The following PCCA variants were observed in gnomAD, a reference collection of about 807,000 sequenced individuals.
The protein encoded by PCCA is propionyl-CoA carboxylase subunit alpha.
A neutral mutation model predicts 101.3 loss-of-function variants in PCCA; 74 were observed. The ratio of observed to expected loss-of-function variants is 0.73; its 90% CI spans 0.61 to 0.89. PCCA has a LOEUF of 0.89. PCCA is among the 40% of genes least tolerant of loss of function. PCCA has a pLI of 0.00. For missense variants in PCCA, 891 were observed against 907.0 expected (o/e 0.98, Z 0.23); for synonymous variants, 294 against 313.6 (o/e 0.94, Z 0.66).
At chr13:100,375,874 A>C (rs2075869336) in intron 19 of PCCA, among the ~76,000 whole-genome samples, 1 of 152,238 alleles carries the variant, frequency 6.6e-6, no homozygotes, top group African/African-American at 2.4e-5. Flanking sequence ...AAGAGCCAAC[A>C]GTGTGCTGTA....
intron 21 of PCCA, among the ~76,000 whole-genome samples, chr13:100,451,265 C>T (rs567071295): frequency 2.0e-5 from 3 of 152,234 alleles, no homozygotes; most frequent in Non-Finnish European, 4.4e-5. Flanking sequence ...GACCTAACAT[C>T]TGGGTACCAT....
intron 6 of PCCA, among the ~76,000 whole-genome samples, chr13:100,206,289 C>CA (rs1436333453): frequency 6.6e-6 from 1 of 151,922 alleles, no homozygotes; most frequent in Non-Finnish European, 1.5e-5. Flanking sequence ...TTTCTGGAGA[C>CA]AGAGTCTCAC....
intron 18 of PCCA, among the ~76,000 whole-genome samples, chr13:100,348,783 T>TTCCTTCCTTCCTTCCTTCCTTC (rs1566976583): frequency 5.4e-5 from 3 of 55,418 alleles, no homozygotes; most frequent in South Asian, 5.5e-4. Flanking sequence ...TTTCTTTCTT[T>TTCCTTCCTTCCTTCCTTCCTTC]CTTTCTTCCT....
chr13:100,456,454 G>A (rs1383394621), intron 21 of PCCA, among the ~76,000 whole-genome samples: 1 of 152,148 alleles, frequency 6.6e-6, no homozygotes, highest in Non-Finnish European at 1.5e-5. Flanking sequence ...ACAAGACAAA[G>A]AGATAAAGAG....
intron 9 of PCCA, 121 bp from the exon 10 acceptor site, chr13:100,262,608 T>A (rs557259698): frequency 1.2e-5 from 8 of 688,826 alleles, no homozygotes; most frequent in Non-Finnish European, 2.1e-5. Flanking sequence ...TTTAATCGAT[T>A]GTGTTTTCTT....
At chr13:100,508,173 A>C (rs2086222062) in intron 21 of PCCA, among the ~76,000 whole-genome samples, 1 of 152,276 alleles carries the variant, frequency 6.6e-6, no homozygotes, top group East Asian at 1.9e-4. Flanking sequence ...AGTCTTACCC[A>C]TTCCTTCAAT....
At chr13:100,520,373 C>T (rs982010151) in intron 22 of PCCA, among the ~76,000 whole-genome samples, 3 of 152,208 alleles carry the variant, frequency 2.0e-5, no homozygotes, top group Non-Finnish European at 4.4e-5. Flanking sequence ...TTTGGCCGGG[C>T]GCGGTGGCTC....
intron 21 of PCCA, among the ~76,000 whole-genome samples, chr13:100,465,420 TA>T (rs1423842965): frequency 6.6e-6 from 1 of 152,194 alleles, no homozygotes; most frequent in African/African-American, 2.4e-5. Flanking sequence ...CATACTTTTT[TA>T]AAATCAGGGA....
intron 1 of PCCA, among the ~76,000 whole-genome samples, chr13:100,101,416 A>G (rs2093623027): frequency 6.6e-6 from 1 of 152,188 alleles, no homozygotes; most frequent in Non-Finnish European, 1.5e-5. Context: ...ACTCACAGTT[A>G]TGCTTGAAGG....
chr13:100,458,001 C>T (rs890917941), intron 21 of PCCA, among the ~76,000 whole-genome samples: 1 of 152,098 alleles, frequency 6.6e-6, no homozygotes, highest in Non-Finnish European at 1.5e-5. Flanking sequence ...CCCAGCTTAT[C>T]CTGATACATA....
chr13:100,459,625 A>G (rs74558387), intron 21 of PCCA, among the ~76,000 whole-genome samples: 15,805 of 152,232 alleles, frequency 0.1, 1,377 homozygotes, highest in African/African-American at 0.24. Context: ...ACCAGCCCTC[A>G]CCAACTTTGA....
intron 21 of PCCA, among the ~76,000 whole-genome samples, chr13:100,498,389 G>C (rs547589243): frequency 9.9e-5 from 15 of 152,136 alleles, no homozygotes; most frequent in African/African-American, 3.4e-4. Context: ...AGAGAAAGAG[G>C]AAAGCCACAA....
chr13:100,488,168 A>ACCGCAACCTCTGCCCC (rs2084546996), intron 21 of PCCA, among the ~76,000 whole-genome samples: 1 of 152,150 alleles, frequency 6.6e-6, no homozygotes. Context: ...ATCTCGGCTC[A>ACCGCAACCTCTGCCCC]CCGCAACCTC....
At chr13:100,403,921 C>T (rs2077518892) in intron 19 of PCCA, among the ~76,000 whole-genome samples, 1 of 152,184 alleles carries the variant, frequency 6.6e-6, no homozygotes, top group Admixed American at 6.5e-5. Context: ...TCCCTCCCAC[C>T]TGGCTGTCTC....
At chr13:100,094,458 A>G (rs2046585758) in intron 1 of PCCA, among the ~76,000 whole-genome samples, 1 of 152,204 alleles carries the variant, frequency 6.6e-6, no homozygotes, top group South Asian at 2.1e-4. Flanking sequence ...TTCGTTAGAA[A>G]AAACCCCACA....
intron 20 of PCCA, among the ~76,000 whole-genome samples, chr13:100,437,988 G>A (rs1280756877): frequency 6.6e-6 from 1 of 151,874 alleles, no homozygotes; most frequent in Non-Finnish European, 1.5e-5. Context: ...AAATTTCTTA[G>A]TAGTCATATT....
At chr13:100,263,674 TACA>T (rs2062680350) in intron 10 of PCCA, among the ~76,000 whole-genome samples, 2 of 152,154 alleles carry the variant, frequency 1.3e-5, no homozygotes, top group Non-Finnish European at 2.9e-5. Flanking sequence ...TTGGATGTTT[TACA>T]ACATTGAACA....
At chr13:100,154,768 C>G in intron 4 of PCCA, 1 of 546,472 alleles carries the variant, frequency 1.8e-6, no homozygotes. Context: ...TTTGGTTAGA[C>G]AATGAATTAG....
At chr13:100,307,797 AC>A (rs1437191786) in intron 15 of PCCA, among the ~76,000 whole-genome samples, 5 of 152,150 alleles carry the variant, frequency 3.3e-5, no homozygotes, top group African/African-American at 1.2e-4. Flanking sequence ...GGATCTTTAA[AC>A]CCTTAAAACC....
Sources: allele counts gnomAD v4.1 joint callset (sites outside exome capture counted in the v4.1 genomes callset), GRCh38; gene constraint gnomAD v4.1.1; transcripts MANE v1.5; gene names NCBI Gene and HGNC (gene_info 2026-07-23, HGNC 2026-07-21).